MTSS1: variants seen among roughly 807,000 people sequenced by gnomAD.
The protein encoded by MTSS1 is protein MTSS 1.
MTSS1 carries 18 observed loss-of-function variants against 79.0 expected under a neutral mutation model. That is an observed-to-expected ratio of 0.23 (90% CI 0.16 to 0.34). The LOEUF is 0.34. MTSS1 is among the 10% of genes least tolerant of loss of function. The pLI is 1.00. For synonymous variants in MTSS1, 341 were observed against 368.6 expected, an observed-to-expected ratio of 0.93 and a Z score of 0.86; for missense variants, 815 against 986.2, an observed-to-expected ratio of 0.83 and a Z score of 2.33.
At chr8:124,643,407 C>A (rs974875067) in intron 3 of MTSS1, among the ~76,000 whole-genome samples, 14 of 151,950 alleles carry the variant, frequency 9.2e-5, no homozygotes, top group African/African-American at 3.4e-4. Flanking sequence ...CATTTAAAAA[C>A]AAAAATCTAG....
intron 3 of MTSS1, among the ~76,000 whole-genome samples, chr8:124,682,405 A>G (rs972896892): frequency 1.3e-5 from 2 of 152,194 alleles, no homozygotes; most frequent in African/African-American, 4.8e-5. Context: ...TATCCCTTCA[A>G]CGCTTCCTCT....
intron 6 of MTSS1, among the ~76,000 whole-genome samples, chr8:124,570,680 T>C (rs1447846041): frequency 6.6e-6 from 1 of 152,110 alleles, no homozygotes; most frequent in Admixed American, 6.5e-5. Context: ...ATATAAGAAA[T>C]TTGCTGCTTG....
chr8:124,617,499 T>A (rs1345062014), intron 3 of MTSS1, among the ~76,000 whole-genome samples: 2 of 152,196 alleles, frequency 1.3e-5, no homozygotes, highest in African/African-American at 2.4e-5. Flanking sequence ...TTAAAAATCA[T>A]CTTGCACTTC....
chr8:124,664,153 C>G (rs1159189175), intron 3 of MTSS1, among the ~76,000 whole-genome samples: 1 of 152,220 alleles, frequency 6.6e-6, no homozygotes, highest in Non-Finnish European at 1.5e-5. Flanking sequence ...GGGCTACCCC[C>G]TCTCCAGTCC....
intron 3 of MTSS1, among the ~76,000 whole-genome samples, chr8:124,623,773 G>A (rs530140245): frequency 3.3e-5 from 5 of 152,192 alleles, no homozygotes; most frequent in East Asian, 1.9e-4. Flanking sequence ...CTGGGTACCC[G>A]GGACTACAGG....
At chr8:124,675,966 G>T (rs374981537) in intron 3 of MTSS1, among the ~76,000 whole-genome samples, 4 of 152,154 alleles carry the variant, frequency 2.6e-5, no homozygotes, top group Non-Finnish European at 4.4e-5. Context: ...AGCAGGTGAC[G>T]TCTTTTAAGG....
chr8:124,692,725 G>A (rs1229144516), intron 3 of MTSS1, among the ~76,000 whole-genome samples: 1 of 152,108 alleles, frequency 6.6e-6, no homozygotes, highest in Non-Finnish European at 1.5e-5. Context: ...GAACTCCAGG[G>A]AGGAATCCTG....
chr8:124,551,761 TAC>T lies in MTSS1; in HGVS notation c.*1229_*1230del, dbSNP rs1554625102. 1 of 152,136 alleles carries T rather than the reference TAC, an allele frequency of 6.6e-6. No homozygotes were observed. Among genetic ancestry groups the T allele is most frequent in the Non-Finnish European group, 1.5e-5 (1 of 67,986 alleles). 9.4% of individuals were successfully genotyped at this position (152,136 alleles called of 1,614,324 possible). A position where few individuals can be genotyped will look rare whatever the true frequency, so the allele number is the denominator to read the frequency against. On this transcript the variant is annotated 3_prime_UTR_variant, in exon 14 of 14. Coordinates refer to ENST00000518547, the MANE Select transcript of MTSS1 (RefSeq NM_014751.6). ...TTTTCCAAAAAACATTTACCCAGAA[TAC>T]AAAAAAAGGACAGTATAGTGGTCAG...
intron 6 of MTSS1, among the ~76,000 whole-genome samples, chr8:124,572,140 G>A (rs1827925498): frequency 6.6e-6 from 1 of 152,086 alleles, no homozygotes; most frequent in African/African-American, 2.4e-5. Flanking sequence ...ACTGAACCCA[G>A]TGTTATCTAA....
intron 3 of MTSS1, among the ~76,000 whole-genome samples, chr8:124,621,553 G>GA (rs1563877435): frequency 6.6e-6 from 1 of 151,356 alleles, no homozygotes; most frequent in Non-Finnish European, 1.5e-5. Context: ...CTGTTTGTGT[G>GA]TTTTTTTTTG....
At position 124,727,110 on chromosome 8, in the gene MTSS1, A is replaced by G. The variant is rs1215886374; in HGVS notation, c.72+774T>C. 6.6e-6 allele frequency among the ~76,000 whole-genome samples: 1 copy of G among 151,686 alleles called. No individual in the cohort carries two copies. Among genetic ancestry groups the G allele is most frequent in the South Asian group, 2.1e-4 (1 of 4,790 alleles). On this transcript the variant is annotated intron_variant, in intron 1 of 13. Coordinates refer to ENST00000518547, the MANE Select transcript of MTSS1 (RefSeq NM_014751.6). This position sits in a 1 kb window ranked among gnomAD's most constrained non-coding sequence, Gnocchi z 4.7. ...CGCGCGCGCGCGCACACACACATGC[A>G]CGCGCGCACACACACACCATCTTCA... is the stretch of plus-strand genomic sequence containing the variant.
intron 3 of MTSS1, among the ~76,000 whole-genome samples, chr8:124,631,100 T>C (rs1815842677): frequency 6.6e-6 from 1 of 152,182 alleles, no homozygotes; most frequent in African/African-American, 2.4e-5. Flanking sequence ...GCCTGCACCC[T>C]GAGGATTCGC....
rs1386826312 is a variant in MTSS1, at chr8:124,727,107, T to C, written c.72+777A>G. Among the ~76,000 whole-genome samples the C allele has an allele frequency of 2.6e-5, 4 of 151,650 alleles. No individual in the cohort carries two copies. Among genetic ancestry groups the C allele is most frequent in the Non-Finnish European group, 5.9e-5 (4 of 67,850 alleles). ...CCACGCGCGCGCGCGCACACACACA[T>C]GCACGCGCGCACACACACACCATCT... is the stretch of plus-strand genomic sequence containing the variant. On this transcript the variant is annotated intron_variant, in intron 1 of 13. Transcript: ENST00000518547. The surrounding 1 kb of genome is among the most constrained non-coding windows in gnomAD (Gnocchi z 4.7).
Position 124,597,537 on chromosome 8 carries a change from G to A in MTSS1, c.209-6302C>T, listed in dbSNP as rs1832977683. Among the ~76,000 whole-genome samples, 1 of 152,230 alleles carries A rather than the reference G, an allele frequency of 6.6e-6. No homozygotes were observed. The highest frequency in any genetic ancestry group is 1.5e-5 in the Non-Finnish European group (1 of 68,038). On this transcript the variant is annotated intron_variant, in intron 3 of 13. Transcript: ENST00000518547. The surrounding 1 kb of genome is among the most constrained non-coding windows in gnomAD (Gnocchi z 4.6). ...GCAGAGACCTGGCAGCGACAGGCAG[G>A]ACGGTGGGTCCTTCGAGTGGCATTG...
At chr8:124,689,271 G>A (rs978267077) in intron 3 of MTSS1, among the ~76,000 whole-genome samples, 4 of 151,980 alleles carry the variant, frequency 2.6e-5, no homozygotes, top group African/African-American at 9.7e-5. Flanking sequence ...GCACAGAGGA[G>A]GCATCTATGT....
At chr8:124,717,157 G>A (rs1487392282) in intron 1 of MTSS1, among the ~76,000 whole-genome samples, 5 of 151,984 alleles carry the variant, frequency 3.3e-5, no homozygotes, top group South Asian at 2.1e-4. Flanking sequence ...TTGCTCTAAC[G>A]CCACCTCCTC....
At chr8:124,636,795 G>A (rs1817081578) in intron 3 of MTSS1, among the ~76,000 whole-genome samples, 1 of 152,172 alleles carries the variant, frequency 6.6e-6, no homozygotes, top group Non-Finnish European at 1.5e-5. Flanking sequence ...TTTGGCACAA[G>A]GACTTCTTGG....
chr8:124,557,731 A>G lies in MTSS1; in HGVS notation c.1180T>C (p.Tyr394His), dbSNP rs1283892740. 5.0e-6 allele frequency: 8 copies of G among 1,600,244 alleles called. No homozygotes were observed. Among genetic ancestry groups the G allele is most frequent in the Non-Finnish European group, 6.8e-6 (8 of 1,173,508 alleles). ...GGGAACATGCCGGGCCCAATGGTGTAATAATGAGCGTAGTCTGGAAGGTGG... is the reference window on the plus strand; with the variant it reads ...GGGAACATGCCGGGCCCAATGGTGTGATAATGAGCGTAGTCTGGAAGGTGG... ...SVHLPDYAHYYTIGPGMFPSS... is the reference protein window; with the variant it reads ...SVHLPDYAHYHTIGPGMFPSS... Residue 394 changes from tyrosine to histidine, a missense_variant, in exon 11 of 14, where the codon TAC becomes CAC. Around this residue, in one of 2 missense-constraint regions of MTSS1, gnomAD observed 590 missense variants for 620.8 expected, o/e 0.95. Transcript: ENST00000518547.
At position 124,552,599 on chromosome 8, in the gene MTSS1, G is replaced by GA. The variant is rs990183505; in HGVS notation, c.*392dup. 201 of 184,928 alleles carry GA rather than the reference G, an allele frequency of 1.1e-3. No individual in the cohort carries two copies. The highest frequency in any genetic ancestry group is 3.4e-3 in the South Asian group (30 of 8,752). 11.5% of individuals were successfully genotyped at this position (184,928 alleles called of 1,614,324 possible). On this transcript the variant is annotated 3_prime_UTR_variant, in exon 14 of 14. Coordinates refer to ENST00000518547, the MANE Select transcript of MTSS1 (RefSeq NM_014751.6). ...CAATGCATCTACAAAAGCTTGTGGGGAAAAAAAAAGAAGAGTGAAGTATAG... is the reference window on the plus strand; with the variant it reads ...CAATGCATCTACAAAAGCTTGTGGGGAAAAAAAAAAGAAGAGTGAAGTATAG...
Sources: allele counts gnomAD v4.1 joint callset (sites outside exome capture counted in the v4.1 genomes callset), GRCh38; gene constraint gnomAD v4.1.1; regional missense constraint gnomAD v4.1.1; non-coding constraint Gnocchi (gnomAD v3.1); transcripts MANE v1.5; gene names NCBI Gene and HGNC (gene_info 2026-07-23, HGNC 2026-07-21).